Variants in POLR3A observed in about 807,000 individuals in gnomAD.
POLR3A encodes the protein DNA-directed RNA polymerase III subunit RPC1.
POLR3A carries 112 observed loss-of-function variants against 152.8 expected under a neutral mutation model. The ratio of observed to expected loss-of-function variants is 0.73; its 90% CI spans 0.63 to 0.86. The LOEUF (loss-of-function observed/expected upper bound fraction) is 0.86, where lower values mean the gene tolerates loss of function less well. Ranked by LOEUF, POLR3A falls within the 40% of genes least tolerant of loss-of-function variation. The pLI is 0.00. For missense variants in POLR3A, 1,385 were observed against 1,743.1 expected (o/e 0.79, Z 3.66); for synonymous variants, 615 against 652.1 (o/e 0.94, Z 0.87).
Position 78,021,977 on chromosome 10 carries a change from C to G in POLR3A, c.931G>C (p.Asp311His). The G allele has an allele frequency of 6.2e-7, 1 of 1,614,150 alleles. No homozygotes were observed. The part of the protein sequence containing the change: ...AKTQMIMEDW[D>H]FLQLQCALYI... ...AGGGCACACTGCAGCTGCAGGAAATCCCAGTCCTCCATGATCATCTGGGTC... is the reference window on the plus strand; with the variant it reads ...AGGGCACACTGCAGCTGCAGGAAATGCCAGTCCTCCATGATCATCTGGGTC... Residue 311 changes from aspartate (D) to histidine (H), a missense_variant, in exon 7 of 31, where the codon GAT becomes CAT. Asp to His is a moderately conservative substitution (Grantham distance 81). Coordinates refer to ENST00000372371, the MANE Select transcript of POLR3A (RefSeq NM_007055.4).
At chr10:78,002,830 A>C (rs909919709) in intron 16 of POLR3A, among the ~76,000 whole-genome samples, 1 of 152,188 alleles carries the variant, frequency 6.6e-6, no homozygotes, top group Non-Finnish European at 1.5e-5. Context: ...TAAAATTGAC[A>C]GTAATAAAAA....
chr10:78,003,594 GCA>G (rs945683513), intron 16 of POLR3A, among the ~76,000 whole-genome samples: 7 of 152,244 alleles, frequency 4.6e-5, no homozygotes, highest in Admixed American at 4.6e-4. Context: ...TCCCTCTTCC[GCA>G]TCCAAGTCTC....
chr10:78,024,350 C>T (rs114667964), intron 5 of POLR3A, among the ~76,000 whole-genome samples, 199 bp downstream of exon 5: 7 of 137,694 alleles, frequency 5.1e-5, no homozygotes, highest in South Asian at 2.2e-4. Flanking sequence ...GGTGAAAGAG[C>T]GAGACTCTGT....
intron 23 of POLR3A, 150 bp downstream of exon 23, chr10:77,985,753 T>C (rs1219619805): frequency 1.4e-6 from 1 of 713,500 alleles, no homozygotes; most frequent in South Asian, 1.5e-5. Flanking sequence ...TGGCAATTCA[T>C]CAGACCCCCT....
chr10:78,009,135 A>G (rs1334389295), intron 14 of POLR3A, among the ~76,000 whole-genome samples: 1 of 142,756 alleles, frequency 7.0e-6, no homozygotes, highest in Non-Finnish European at 1.5e-5. Flanking sequence ...CCTGGGTGAC[A>G]GAGCAAGACT....
intron 14 of POLR3A, among the ~76,000 whole-genome samples, chr10:78,008,681 A>C (rs1847433937): frequency 1.3e-5 from 2 of 152,148 alleles, no homozygotes; most frequent in South Asian, 4.1e-4. Flanking sequence ...CTTCGGGTTG[A>C]ACTGGTTTAG....
intron 26 of POLR3A, among the ~76,000 whole-genome samples, chr10:77,983,490 A>G (rs1387206479): frequency 6.6e-6 from 1 of 152,140 alleles, no homozygotes; most frequent in East Asian, 1.9e-4. Context: ...CCTATTACCC[A>G]TGCATGCCAG....
intron 9 of POLR3A, among the ~76,000 whole-genome samples, chr10:78,018,191 C>T (rs1863902): frequency 0.64 from 94,807 of 147,236 alleles, 31,734 homozygotes; most frequent in African/African-American, 0.83. Context: ...AAAAAAAAAC[C>T]ATGATAAATT....
chr10:78,007,685 G>C lies in POLR3A; in HGVS notation c.2074+17C>G, dbSNP rs531897141. ...CAATTGCAGCTTTAACTAAAAGAAGGATGCTGAGATACTTACACAGGTAGA... is the reference window on the plus strand; with the variant it reads ...CAATTGCAGCTTTAACTAAAAGAAGCATGCTGAGATACTTACACAGGTAGA... On this transcript the variant is annotated intron_variant, in intron 15 of 30. Coordinates refer to ENST00000372371, the MANE Select transcript of POLR3A (RefSeq NM_007055.4). The C allele has an allele frequency of 1.4e-5, 23 of 1,610,356 alleles. No homozygotes were observed. In the Admixed American group the frequency reaches 2.7e-4, roughly 19 times the overall value.
intron 10 of POLR3A, among the ~76,000 whole-genome samples, 191 bp downstream of exon 10, chr10:78,017,384 T>C (rs904490516): frequency 6.6e-6 from 1 of 151,458 alleles, no homozygotes; most frequent in Non-Finnish European, 1.5e-5. Context: ...GAGGTCCAGG[T>C]TGCAGTGAGC....
intron 19 of POLR3A, among the ~76,000 whole-genome samples, chr10:77,996,524 C>T (rs1214578594): frequency 6.6e-6 from 1 of 152,182 alleles, no homozygotes; most frequent in Non-Finnish European, 1.5e-5. Context: ...TCAGAGAATA[C>T]TATAAATACC....
In POLR3A at chr10:78,021,931, G is replaced by A. The variant is rs763584698; in HGVS notation, c.977C>T (p.Ser326Leu). Residue 326 changes from serine to leucine, a missense_variant, in exon 7 of 31, where the codon TCG becomes TTG. Physicochemically the swap from Ser to Leu is moderately radical, Grantham distance 145. Around this residue, in one of 7 missense-constraint regions of POLR3A, gnomAD observed 493 missense variants for 647.5 expected, o/e 0.76. Coordinates refer to ENST00000372371, the MANE Select transcript of POLR3A (RefSeq NM_007055.4). ...QCALYINSEL[S>L]GIPLNMAPKK... The stretch of plus-strand genomic sequence containing the variant: ...GGGTGCCATGTTGAGGGGAATGCCC[G>A]AGAGCTCACTGTTAATGTAGAGGGC... 1.9e-6 allele frequency: 3 copies of A among 1,614,088 alleles called. No individual in the cohort carries two copies. Among genetic ancestry groups the A allele is most frequent in the African/African-American group, 1.3e-5 (1 of 75,006 alleles).
At chr10:78,008,081 A>G (rs1298399156) in intron 14 of POLR3A, among the ~76,000 whole-genome samples, 1 of 152,150 alleles carries the variant, frequency 6.6e-6, no homozygotes, top group Non-Finnish European at 1.5e-5. Flanking sequence ...GTTAGTGTGT[A>G]GTCCTAACCC....
chr10:78,013,515 T>C, intron 11 of POLR3A, 135 bp downstream of exon 11: 1 of 832,360 alleles, frequency 1.2e-6, no homozygotes, highest in East Asian at 2.4e-5. Context: ...ATATAGGCAG[T>C]TAGTGGTCGG....
intron 19 of POLR3A, among the ~76,000 whole-genome samples, chr10:77,997,599 G>A (rs1847313640): frequency 6.6e-6 from 1 of 152,080 alleles, no homozygotes; most frequent in Non-Finnish European, 1.5e-5. Context: ...AACTTACAAG[G>A]GATGTGAAGG....
At chr10:77,990,983 C>T in intron 21 of POLR3A, 71 bp downstream of exon 21, 1 of 851,464 alleles carries the variant, frequency 1.2e-6, no homozygotes, top group Non-Finnish European at 2.0e-6. Context: ...ATCCACTTGC[C>T]AGCCCTTGGC....
chr10:78,020,440 T>C (rs1228873627), intron 8 of POLR3A, among the ~76,000 whole-genome samples: 2 of 149,214 alleles, frequency 1.3e-5, no homozygotes, highest in Non-Finnish European at 3.0e-5. Flanking sequence ...CAGTGAGCCA[T>C]GAGCACACCA....
chr10:77,999,835 G>C, intron 19 of POLR3A, 146 bp downstream of exon 19: 3 of 783,588 alleles, frequency 3.8e-6, no homozygotes, highest in Non-Finnish European at 6.2e-6. Flanking sequence ...CATTTCCAGG[G>C]CATCTACCTT....
At chr10:78,017,403 T>C (rs979839191) in intron 10 of POLR3A, among the ~76,000 whole-genome samples, 172 bp downstream of exon 10, 1 of 151,682 alleles carries the variant, frequency 6.6e-6, no homozygotes, top group South Asian at 2.1e-4. Flanking sequence ...GCTGTGATTG[T>C]GTCACTGCAC....
Sources: gnomAD v4.1 joint callset for allele counts (sites outside exome capture counted in the v4.1 genomes callset) on GRCh38, gnomAD v4.1.1 for gene constraint, gnomAD v4.1.1 regional missense constraint, MANE v1.5 for transcripts, NCBI Gene and HGNC (gene_info 2026-07-23, HGNC 2026-07-21) for gene names.